The following FDFT1 variants were observed in gnomAD, a reference collection of about 807,000 sequenced individuals.
FDFT1 encodes the protein squalene synthase.
In FDFT1, 68 loss-of-function variants were observed where a neutral mutation model predicts 46.8. The ratio of observed to expected loss-of-function variants is 1.45; its 90% confidence interval spans 1.19 to 1.78. FDFT1 has a LOEUF of 1.78. FDFT1 is among the 40% of genes most tolerant of loss of function. The pLI is 0.00. For missense variants in FDFT1, 928 were observed against 524.4 expected (o/e 1.77, Z -7.52); for synonymous variants, 351 against 185.1 (o/e 1.90, Z -7.28).
At chr8:11,805,679 C>G (rs1290435766) in intron 1 of FDFT1, among the ~76,000 whole-genome samples, 19 of 152,222 alleles carry the variant, frequency 1.2e-4, no homozygotes, top group African/African-American at 3.6e-4. Flanking sequence ...GGCTCAGAAT[C>G]ACTTGGCAGC....
chr8:11,833,395 C>T (rs529787727), intron 7 of FDFT1, among the ~76,000 whole-genome samples: 2 of 152,186 alleles, frequency 1.3e-5, no homozygotes, highest in Non-Finnish European at 1.5e-5. Flanking sequence ...AAATGGAATC[C>T]TGCTATATTA....
At chr8:11,818,173 G>C (rs1029531576) in intron 3 of FDFT1, among the ~76,000 whole-genome samples, 4 of 152,204 alleles carry the variant, frequency 2.6e-5, no homozygotes, top group African/African-American at 9.6e-5. Flanking sequence ...GTGTGGTTTT[G>C]AGTGAGTTTA....
intron 7 of FDFT1, 82 bp from the exon 8 acceptor site, chr8:11,838,306 C>G (rs1439035270): frequency 9.5e-7 from 1 of 1,049,984 alleles, no homozygotes; most frequent in Admixed American, 1.8e-5. Context: ...TATAAAATAC[C>G]TGCCAGTGGA....
At chr8:11,800,801 G>A (rs1806037623), upstream of FDFT1, among the ~76,000 whole-genome samples, 1 of 152,174 alleles carries the variant, frequency 6.6e-6, no homozygotes, top group African/African-American at 2.4e-5. Flanking sequence ...AAATGGGGAG[G>A]AAAGTCTTTG....
intron 4 of FDFT1, among the ~76,000 whole-genome samples, chr8:11,825,326 G>A (rs1809810453): frequency 6.6e-6 from 1 of 152,186 alleles, no homozygotes; most frequent in East Asian, 1.9e-4. Flanking sequence ...CAGATCAGTT[G>A]AGGTCAGGAG....
intron 3 of FDFT1, among the ~76,000 whole-genome samples, chr8:11,814,819 C>G (rs980324416): frequency 4.6e-5 from 7 of 151,768 alleles, no homozygotes; most frequent in Admixed American, 2.0e-4. Context: ...AAATGGTTGG[C>G]AGATCTGCTC....
intron 5 of FDFT1, among the ~76,000 whole-genome samples, chr8:11,826,686 G>C (rs2130845821): frequency 6.6e-6 from 1 of 152,280 alleles, no homozygotes; most frequent in Non-Finnish European, 1.5e-5. Context: ...GTGGTGGCAA[G>C]GGCTTGTAAT....
intron 4 of FDFT1, 138 bp downstream of exon 4, chr8:11,822,016 T>C: frequency 1.0e-6 from 1 of 993,916 alleles, no homozygotes; most frequent in Non-Finnish European, 1.5e-6. Context: ...AGGTTGAATG[T>C]CTCATCATAA....
intron 3 of FDFT1, among the ~76,000 whole-genome samples, chr8:11,816,689 G>A (rs10156278): frequency 4.6e-5 from 7 of 152,110 alleles, no homozygotes; most frequent in Non-Finnish European, 7.4e-5. Flanking sequence ...TGGTGTATAG[G>A]AATGCTTGAG....
chr8:11,803,137 C>G (rs961756870), intron 1 of FDFT1: 126 of 1,426,758 alleles, frequency 8.8e-5, no homozygotes, highest in Non-Finnish European at 1.1e-4. Context: ...CCTGCCCCCG[C>G]AAGCCGCCCT....
upstream of FDFT1, chr8:11,802,619 C>G (rs1585844598): frequency 1.2e-5 from 7 of 591,878 alleles, no homozygotes; most frequent in East Asian, 2.0e-4. Flanking sequence ...CCAATCAGCG[C>G]CCGTCAGCCC....
chr8:11,805,705 G>GT (rs754330042), intron 1 of FDFT1, among the ~76,000 whole-genome samples: 1 of 152,246 alleles, frequency 6.6e-6, no homozygotes, highest in Non-Finnish European at 1.5e-5. Context: ...CTGACTTGAA[G>GT]TTGAGGCTTC....
chr8:11,833,537 T>A (rs1404386704), intron 7 of FDFT1, among the ~76,000 whole-genome samples: 1 of 152,262 alleles, frequency 6.6e-6, no homozygotes, highest in African/African-American at 2.4e-5. Flanking sequence ...ATTCCATTAC[T>A]ATATTAAAAT....
chr8:11,804,084 C>A (rs1806488417), intron 1 of FDFT1, among the ~76,000 whole-genome samples: 1 of 152,124 alleles, frequency 6.6e-6, no homozygotes, highest in South Asian at 2.1e-4. Flanking sequence ...GTTCTAGGTG[C>A]TGGAGGTACA....
At chr8:11,824,466 C>G (rs1809686751) in intron 4 of FDFT1, among the ~76,000 whole-genome samples, 1 of 152,160 alleles carries the variant, frequency 6.6e-6, no homozygotes, top group South Asian at 2.1e-4. Context: ...GTCATACTAC[C>G]TAGTTTTGAA....
At chr8:11,805,670 G>T (rs1370002634) in intron 1 of FDFT1, among the ~76,000 whole-genome samples, 9 of 152,120 alleles carry the variant, frequency 5.9e-5, no homozygotes, top group Admixed American at 1.3e-4. Context: ...TGAGTGTTTG[G>T]CTCAGAATCA....
chr8:11,821,891 A>C lies in FDFT1; in HGVS notation c.510+13A>C, dbSNP rs764127887. ...GGAGTGGGACAAGGTTAGTCTCATAAAACAGTGTCTGTGTGTGATGTATTA... is the reference window on the plus strand; with the variant it reads ...GGAGTGGGACAAGGTTAGTCTCATACAACAGTGTCTGTGTGTGATGTATTA... On this transcript the variant is annotated intron_variant, in intron 4 of 7. Transcript: ENST00000220584. 9.3e-6 allele frequency: 15 copies of C among 1,611,370 alleles called. No homozygotes were observed. Among genetic ancestry groups the C allele is most frequent in the East Asian group, 2.2e-5 (1 of 44,790 alleles).
At chr8:11,808,329 A>G in intron 1 of FDFT1, 2 of 1,233,842 alleles carry the variant, frequency 1.6e-6, no homozygotes, top group Non-Finnish European at 2.0e-6. Flanking sequence ...TGAGAAGGGC[A>G]ACAGCGGGAG....
chr8:11,799,455 A>T (rs1369846522), upstream of FDFT1, among the ~76,000 whole-genome samples: 1 of 152,166 alleles, frequency 6.6e-6, no homozygotes, highest in African/African-American at 2.4e-5. Context: ...TGACTTCACC[A>T]TTGCCTGCAT....
Sources: gnomAD v4.1 joint callset for allele counts (sites outside exome capture counted in the v4.1 genomes callset) on GRCh38, gnomAD v4.1.1 for gene constraint, MANE v1.5 for transcripts, NCBI Gene and HGNC (gene_info 2026-07-23, HGNC 2026-07-21) for gene names.